Variants in NNMT observed in about 807,000 individuals in gnomAD.
The protein encoded by NNMT is nicotinamide N-methyltransferase.
Under a neutral mutation model 11.7 loss-of-function variants are expected in NNMT, and 10 were observed. The observed-to-expected ratio is 0.85, with a 90% CI of 0.53 to 1.45. The LOEUF (loss-of-function observed/expected upper bound fraction) is 1.45, where lower values mean the gene tolerates loss of function less well. Ranked by LOEUF, NNMT falls within the 40% of genes most tolerant of loss-of-function variation. The pLI, the probability that NNMT is intolerant of heterozygous loss-of-function variation, is 0.00. For missense variants in NNMT, 381 were observed against 319.4 expected, an observed-to-expected ratio of 1.19 and a Z score of -1.47; for synonymous variants, 143 against 133.8, an observed-to-expected ratio of 1.07 and a Z score of -0.48.
chr11:114,295,672 G>A (rs1945369487), upstream of NNMT, among the ~76,000 whole-genome samples: 1 of 151,956 alleles, frequency 6.6e-6, no homozygotes, highest in Non-Finnish European at 1.5e-5. Context: ...CTCGTGATCT[G>A]CCCGCCTTAG....
intron 2 of NNMT, among the ~76,000 whole-genome samples, chr11:114,303,727 A>T (rs931470727): frequency 6.6e-6 from 1 of 151,798 alleles, no homozygotes; most frequent in Non-Finnish European, 1.5e-5. Context: ...AGGCTATTCT[A>T]TTTTTTTTAG....
upstream of NNMT, among the ~76,000 whole-genome samples, chr11:114,292,296 T>C (rs1245051321): frequency 6.6e-6 from 1 of 152,222 alleles, no homozygotes; most frequent in African/African-American, 2.4e-5. Context: ...TAGCCAGACA[T>C]ATTACTGGAA....
chr11:114,267,662 T>C (rs1457177018), intron 2 of NNMT, among the ~76,000 whole-genome samples: 1 of 152,208 alleles, frequency 6.6e-6, no homozygotes, highest in African/African-American at 2.4e-5. Context: ...GCTTCACCTA[T>C]TCTTCTGTCT....
At chr11:114,301,846 A>G (rs1051701285) in intron 2 of NNMT, among the ~76,000 whole-genome samples, 5 of 151,892 alleles carry the variant, frequency 3.3e-5, no homozygotes, top group Admixed American at 6.6e-5. Context: ...AAACAAAATC[A>G]ATTTTTAAAA....
intron 2 of NNMT, among the ~76,000 whole-genome samples, chr11:114,282,741 T>G (rs552639072): frequency 6.6e-6 from 1 of 152,024 alleles, no homozygotes; most frequent in Non-Finnish European, 1.5e-5. Flanking sequence ...AATGGAAGGC[T>G]CTGGGGCCTT....
chr11:114,293,794 A>G (rs2135267177), upstream of NNMT, among the ~76,000 whole-genome samples: 1 of 152,200 alleles, frequency 6.6e-6, no homozygotes, highest in Non-Finnish European at 1.5e-5. Flanking sequence ...GTATATACCC[A>G]AAGGAAAGGA....
upstream of NNMT, among the ~76,000 whole-genome samples, chr11:114,291,685 G>C (rs1268042964): frequency 6.6e-6 from 1 of 152,172 alleles, no homozygotes; most frequent in East Asian, 1.9e-4. Flanking sequence ...TTTCTCATCA[G>C]AGCTTTTTGA....
chr11:114,311,542 A>G (rs182914023), intron 2 of NNMT, among the ~76,000 whole-genome samples: 61 of 152,354 alleles, frequency 4.0e-4, no homozygotes, highest in Non-Finnish European at 3.4e-4. Flanking sequence ...TCCTAAAAAT[A>G]TCTATGGAAG....
At chr11:114,306,413 A>G (rs184660266) in intron 2 of NNMT, among the ~76,000 whole-genome samples, 42 of 152,272 alleles carry the variant, frequency 2.8e-4, no homozygotes, top group African/African-American at 9.9e-4. Flanking sequence ...TTAGACATGA[A>G]GTCCTTGCCC....
intron 2 of NNMT, among the ~76,000 whole-genome samples, chr11:114,305,894 T>A (rs1945487635): frequency 6.6e-6 from 1 of 152,164 alleles, no homozygotes; most frequent in African/African-American, 2.4e-5. Context: ...AAATGGTATT[T>A]CTAGTTCTAG....
chr11:114,275,308 G>A (rs906733654), intron 2 of NNMT, among the ~76,000 whole-genome samples: 2 of 152,142 alleles, frequency 1.3e-5, no homozygotes, highest in Admixed American at 6.5e-5. Flanking sequence ...GATGATGGAG[G>A]TACTGGATGT....
chr11:114,268,768 CAAAAAA>C (rs34012236), intron 2 of NNMT, among the ~76,000 whole-genome samples: 1 of 69,648 alleles, frequency 1.4e-5, no homozygotes, highest in Non-Finnish European at 2.9e-5. Flanking sequence ...GACTCCGTCT[CAAAAAA>C]AAAAAAAAAA....
upstream of NNMT, among the ~76,000 whole-genome samples, chr11:114,294,106 T>C (rs1306786344): frequency 6.6e-6 from 1 of 151,902 alleles, no homozygotes. Flanking sequence ...CTCACAGAGA[T>C]AGAGAGTAGA....
At chr11:114,273,375 C>T (rs1457897779) in intron 2 of NNMT, among the ~76,000 whole-genome samples, 2 of 152,156 alleles carry the variant, frequency 1.3e-5, no homozygotes, top group Non-Finnish European at 2.9e-5. Flanking sequence ...ATTTTGGAAG[C>T]CCCTTGCCAG....
At chr11:114,286,630 A>T (rs1484712222) in intron 2 of NNMT, among the ~76,000 whole-genome samples, 3 of 152,276 alleles carry the variant, frequency 2.0e-5, no homozygotes, top group East Asian at 3.9e-4. Flanking sequence ...ATCCATGCTG[A>T]TGCTTGTAGT....
intron 2 of NNMT, among the ~76,000 whole-genome samples, chr11:114,305,505 C>G (rs551149209): frequency 3.5e-4 from 49 of 141,230 alleles, no homozygotes; most frequent in African/African-American, 1.2e-3. Flanking sequence ...CCCCTCCCCC[C>G]ACCCCACGAC....
chr11:114,308,350 G>A (rs889870834), intron 2 of NNMT, among the ~76,000 whole-genome samples: 1 of 152,120 alleles, frequency 6.6e-6, no homozygotes, highest in Non-Finnish European at 1.5e-5. Flanking sequence ...GGGGATGTGA[G>A]GACAATGAAA....
At chr11:114,258,236 C>T (rs1945046296) in intron 1 of NNMT, among the ~76,000 whole-genome samples, 1 of 152,226 alleles carries the variant, frequency 6.6e-6, no homozygotes, top group African/African-American at 2.4e-5. Context: ...GGGTGTTCTC[C>T]AGGGACCTTA....
At chr11:114,308,743 C>G (rs577394183) in intron 2 of NNMT, among the ~76,000 whole-genome samples, 1 of 152,254 alleles carries the variant, frequency 6.6e-6, no homozygotes, top group South Asian at 2.1e-4. Context: ...GGCTGGGTCT[C>G]TGGTGAGTCC....
Sources: allele counts gnomAD v4.1 joint callset (sites outside exome capture counted in the v4.1 genomes callset), GRCh38; gene constraint gnomAD v4.1.1; transcripts MANE v1.5; gene names NCBI Gene and HGNC (gene_info 2026-07-23, HGNC 2026-07-21).